MAGI1: variants seen among roughly 807,000 people sequenced by gnomAD.
MAGI1 encodes membrane associated guanylate kinase, WW and PDZ domain containing 1.
A neutral mutation model predicts 139.9 loss-of-function variants in MAGI1; 58 were observed. The ratio of observed to expected loss-of-function variants is 0.41; its 90% CI spans 0.34 to 0.52. The LOEUF is 0.52. Among genes scored for constraint, MAGI1 ranks in the 20% least tolerant of loss-of-function variants. MAGI1 has a pLI of 0.12. For missense variants in MAGI1, 1,874 were observed against 1,901.6 expected, an observed-to-expected ratio of 0.99 and a Z score of 0.27; for synonymous variants, 812 against 737.9, an observed-to-expected ratio of 1.10 and a Z score of -1.63.
chr3:65,483,689 T>C (rs1951437685), intron 3 of MAGI1, among the ~76,000 whole-genome samples: 1 of 152,154 alleles, frequency 6.6e-6, no homozygotes, highest in African/African-American at 2.4e-5. Context: ...AAGTGGAAAC[T>C]TGTTCTCTCT....
intron 1 of MAGI1, among the ~76,000 whole-genome samples, chr3:65,870,734 A>T (rs952590615): frequency 6.6e-6 from 1 of 151,724 alleles, no homozygotes; most frequent in African/African-American, 2.4e-5. Context: ...AAAAAAAGAA[A>T]GAATGAAAAG....
rs115683919 is a variant in MAGI1, at chr3:65,692,505, C to T, written c.314-70417G>A. ...CCTTGACTTACCCTACATAGACTTA[C>T]ACAATTCATATATCCCTGAGAGATA... On this transcript the variant is annotated intron_variant, in intron 1 of 22. Transcript: ENST00000402939. Among the ~76,000 whole-genome samples the T allele has an allele frequency of 5.8e-3, 888 of 152,302 alleles. 5 individuals carry two copies. The highest frequency in any genetic ancestry group is 0.02 in the African/African-American group (829 of 41,566).
At chr3:65,405,451 G>C (rs925306730) in intron 12 of MAGI1, among the ~76,000 whole-genome samples, 1 of 152,214 alleles carries the variant, frequency 6.6e-6, no homozygotes, top group Non-Finnish European at 1.5e-5. Flanking sequence ...AGAAGGTTAT[G>C]TGCGAAAACA....
chr3:65,840,981 T>C (rs59737978), intron 1 of MAGI1, among the ~76,000 whole-genome samples: 1 of 152,188 alleles, frequency 6.6e-6, no homozygotes, highest in Non-Finnish European at 1.5e-5. Context: ...CTATTCAAAT[T>C]ATCCATTTGA....
At chr3:65,806,832 T>C (rs1431555329) in intron 1 of MAGI1, among the ~76,000 whole-genome samples, 1 of 152,160 alleles carries the variant, frequency 6.6e-6, no homozygotes, top group Non-Finnish European at 1.5e-5. Context: ...CTATAAAAAC[T>C]GTTCCAGACA....
intron 1 of MAGI1, among the ~76,000 whole-genome samples, chr3:65,772,228 ATAACC>A (rs2038015532): frequency 6.6e-6 from 1 of 152,160 alleles, no homozygotes; most frequent in African/African-American, 2.4e-5. Context: ...AGACAACAAT[ATAACC>A]TATTAGGCCC....
At chr3:65,447,637 C>T (rs1419281828) in intron 7 of MAGI1, among the ~76,000 whole-genome samples, 1 of 151,986 alleles carries the variant, frequency 6.6e-6, no homozygotes, top group Non-Finnish European at 1.5e-5. Context: ...TTTGTATTAC[C>T]CAAATAACCA....
chr3:65,996,157 T>C (rs2066438067), intron 1 of MAGI1, among the ~76,000 whole-genome samples: 1 of 152,146 alleles, frequency 6.6e-6, no homozygotes, highest in Non-Finnish European at 1.5e-5. Context: ...TGGGCAACTA[T>C]TGAACTTCTC....
In MAGI1 at chr3:65,618,433, C is replaced by T. The variant is rs1014292674; in HGVS notation, c.430+3539G>A. On this transcript the variant is annotated intron_variant, in intron 2 of 22. Coordinates refer to ENST00000402939, the MANE Select transcript of MAGI1 (RefSeq NM_001033057.2). ...TAATCATTATTAAAATTATATTGTA[C>T]AACCAGTGAATTACTTGAACATCAG... is the stretch of plus-strand genomic sequence containing the variant. 5.3e-5 allele frequency among the ~76,000 whole-genome samples: 8 copies of T among 152,218 alleles called. 1 individual carries two copies. The highest frequency in any genetic ancestry group is 1.4e-4 in the African/African-American group (6 of 41,524).
intron 1 of MAGI1, among the ~76,000 whole-genome samples, chr3:65,636,540 G>C (rs1274615182): frequency 6.6e-6 from 1 of 152,160 alleles, no homozygotes; most frequent in Non-Finnish European, 1.5e-5. Flanking sequence ...ATTTATGTAA[G>C]ACAACCCTAT....
intron 1 of MAGI1, among the ~76,000 whole-genome samples, chr3:65,966,143 C>T (rs2064729155): frequency 6.6e-6 from 1 of 152,140 alleles, no homozygotes; most frequent in Admixed American, 6.5e-5. Flanking sequence ...TTTTGGACAA[C>T]AAACTAAGAG....
intron 20 of MAGI1, 112 bp from the exon 21 acceptor site, chr3:65,363,720 G>C (rs1043734984): frequency 1.2e-6 from 1 of 820,040 alleles, no homozygotes; most frequent in Non-Finnish European, 1.9e-6. Context: ...GGTGACTCTT[G>C]TTTATTAATA....
chr3:65,724,936 T>C (rs1333013063), intron 1 of MAGI1, among the ~76,000 whole-genome samples: 2 of 152,130 alleles, frequency 1.3e-5, no homozygotes. Flanking sequence ...TCGGGGGTTA[T>C]GGGCACTACA....
intron 9 of MAGI1, among the ~76,000 whole-genome samples, chr3:65,438,045 G>T (rs1947971485): frequency 6.6e-6 from 1 of 152,106 alleles, no homozygotes. Context: ...TGAAGAAAAA[G>T]AAATTATTCT....
At chr3:65,704,160 A>G (rs2089801058) in intron 1 of MAGI1, among the ~76,000 whole-genome samples, 1 of 152,166 alleles carries the variant, frequency 6.6e-6, no homozygotes. Context: ...AACATCCTCC[A>G]AGTCCAGCTG....
intron 2 of MAGI1, among the ~76,000 whole-genome samples, chr3:65,547,063 A>G (rs922701636): frequency 2.0e-5 from 3 of 152,238 alleles, no homozygotes; most frequent in Admixed American, 6.5e-5. Context: ...CCACTGTTAC[A>G]TCAATCCATC....
intron 1 of MAGI1, among the ~76,000 whole-genome samples, chr3:65,888,707 G>T (rs2060625701): frequency 6.6e-6 from 1 of 151,914 alleles, no homozygotes; most frequent in Non-Finnish European, 1.5e-5. Context: ...TGAGTTTAAA[G>T]AACTAAAAGC....
chr3:65,698,573 A>T (rs2089373739), intron 1 of MAGI1, among the ~76,000 whole-genome samples: 1 of 152,112 alleles, frequency 6.6e-6, no homozygotes, highest in Non-Finnish European at 1.5e-5. Flanking sequence ...ATAACGCTGC[A>T]TATCTACAAC....
intron 5 of MAGI1, among the ~76,000 whole-genome samples, chr3:65,463,572 G>C (rs1293365651): frequency 6.7e-6 from 1 of 149,040 alleles, no homozygotes; most frequent in Admixed American, 6.7e-5. Context: ...GTGTGTGTGT[G>C]TGTGTGTGTG....
Sources: allele counts gnomAD v4.1 joint callset (sites outside exome capture counted in the v4.1 genomes callset), GRCh38; gene constraint gnomAD v4.1.1; transcripts MANE v1.5; gene names NCBI Gene and HGNC (gene_info 2026-07-23, HGNC 2026-07-21).